Variants in DNAAF11 observed in about 807,000 individuals in gnomAD.
DNAAF11 encodes the protein leucine rich repeat containing 6.
A neutral mutation model predicts 60.8 loss-of-function variants in DNAAF11; 45 were observed. That is an observed-to-expected ratio of 0.74 (90% confidence interval 0.58 to 0.95). DNAAF11 has a LOEUF of 0.95. Among genes scored for constraint, DNAAF11 ranks in the 40% least tolerant of loss-of-function variants. DNAAF11 has a pLI of 0.00. For synonymous variants in DNAAF11, 191 were observed against 183.5 expected (o/e 1.04, Z -0.33); for missense variants, 546 against 546.2 (o/e 1.00, Z 0.00).
At chr8:132,693,078 G>A in the DNAAF11 span, among the ~76,000 whole-genome samples, 4 of 152,180 alleles carry the variant, frequency 2.6e-5, no homozygotes, top group Non-Finnish European at 4.4e-5. Context: ...GAGCCAGGTG[G>A]GGACGAAGAA....
chr8:132,693,971 A>C, the DNAAF11 span, among the ~76,000 whole-genome samples: 1,138 of 152,280 alleles, frequency 7.5e-3, 20 homozygotes, highest in African/African-American at 0.025. Context: ...AGATTTGAGC[A>C]AAGGAATGTT....
chr8:132,600,575 G>C (rs1817507120), intron 10 of DNAAF11, among the ~76,000 whole-genome samples: 1 of 152,116 alleles, frequency 6.6e-6, no homozygotes, highest in Non-Finnish European at 1.5e-5. Flanking sequence ...CCAAAACAGA[G>C]ATATAGACCA....
rs575945003 is a variant in DNAAF11, at chr8:132,619,192, G to A, written c.914+3419C>T. Among the ~76,000 whole-genome samples, 48 of 151,618 alleles carry A rather than the reference G, an allele frequency of 3.2e-4. No individual in the cohort carries two copies. In the South Asian group the frequency reaches 7.5e-3, roughly 24 times the overall value. On this transcript the variant is annotated intron_variant, in intron 7 of 11. Coordinates refer to ENST00000620350, the MANE Select transcript of DNAAF11 (RefSeq NM_012472.6). ...AAATCATCATTCTCAGTAAACTATC[G>A]CAAGAACAAAAAACCAAACACCACA...
chr8:132,653,404 C>T (rs932421191), intron 3 of DNAAF11, among the ~76,000 whole-genome samples: 1 of 151,746 alleles, frequency 6.6e-6, no homozygotes, highest in Non-Finnish European at 1.5e-5. Flanking sequence ...GTTTTTTAGG[C>T]TGAAATGAAA....
intron 10 of DNAAF11, among the ~76,000 whole-genome samples, chr8:132,599,649 T>C (rs1001557554): frequency 3.9e-5 from 6 of 152,176 alleles, no homozygotes; most frequent in Admixed American, 6.6e-5. Context: ...TAATCCAGCA[T>C]ATAAACAGAA....
chr8:132,653,839 C>T (rs1823265314), intron 3 of DNAAF11, among the ~76,000 whole-genome samples: 1 of 151,646 alleles, frequency 6.6e-6, no homozygotes. Flanking sequence ...AAGAGTAATC[C>T]AAAAACAGAA....
At chr8:132,700,611 C>G in the DNAAF11 span, among the ~76,000 whole-genome samples, 2 of 152,034 alleles carry the variant, frequency 1.3e-5, no homozygotes, top group Admixed American at 6.6e-5. Flanking sequence ...TTGCTTGAGC[C>G]CAAGGGTTCT....
Position 132,593,332 on chromosome 8 carries a change from C to CATACATATATATATATAT in DNAAF11, c.1141-9554_1141-9553insATATATATATATATGTAT, listed in dbSNP as rs577618316. Among the ~76,000 whole-genome samples, 299 of 108,650 alleles carry CATACATATATATATATAT rather than the reference C, an allele frequency of 2.8e-3. 1 individual carries two copies. Among genetic ancestry groups the CATACATATATATATATAT allele is most frequent in the Non-Finnish European group, 4.1e-3 (227 of 55,922 alleles). 71.3% of individuals were successfully genotyped at this position (108,650 alleles called of 152,430 possible). A position where few individuals can be genotyped will look rare whatever the true frequency, so the allele number is the denominator to read the frequency against. On this transcript the variant is annotated intron_variant, in intron 10 of 11. Coordinates refer to ENST00000620350, the MANE Select transcript of DNAAF11 (RefSeq NM_012472.6). ...ATAAACTTCAAAGAATATATACATACATATATATATATATATATATATATA... is the reference window on the plus strand; with the variant it reads ...ATAAACTTCAAAGAATATATACATACATACATATATATATATATATATATATATATATATATATATATA...
At chr8:132,610,144 T>C (rs1232941706) in intron 10 of DNAAF11, 22 bp downstream of exon 10, 4 of 1,581,664 alleles carry the variant, frequency 2.5e-6, no homozygotes, top group Admixed American at 3.3e-5. Context: ...GACTTGAAAT[T>C]GACCCAAATG....
intron 3 of DNAAF11, 22 bp downstream of exon 3, chr8:132,656,808 A>G (rs1013559522): frequency 3.9e-6 from 4 of 1,025,138 alleles, no homozygotes; most frequent in Non-Finnish European, 6.0e-6. Flanking sequence ...TCATAATAGC[A>G]TAATAGAAGA....
At chr8:132,623,296 TATTG>T (rs1441664065) in intron 6 of DNAAF11, among the ~76,000 whole-genome samples, 2 of 152,166 alleles carry the variant, frequency 1.3e-5, no homozygotes, top group Non-Finnish European at 2.9e-5. Context: ...GCTCATTACC[TATTG>T]ATTTAGAAAA....
At chr8:132,658,557 G>A (rs1003785185) in intron 2 of DNAAF11, among the ~76,000 whole-genome samples, 1 of 152,122 alleles carries the variant, frequency 6.6e-6, no homozygotes, top group African/African-American at 2.4e-5. Flanking sequence ...TCCTGACCTC[G>A]TGATCCAGCC....
intron 6 of DNAAF11, among the ~76,000 whole-genome samples, chr8:132,623,028 A>G (rs764627046): frequency 1.3e-5 from 2 of 152,210 alleles, no homozygotes; most frequent in Non-Finnish European, 2.9e-5. Flanking sequence ...ATTTACCCAG[A>G]TAACTGTCAA....
intron 1 of DNAAF11, among the ~76,000 whole-genome samples, chr8:132,674,184 G>A (rs1370142035): frequency 1.4e-5 from 2 of 146,648 alleles, no homozygotes; most frequent in Admixed American, 6.7e-5. Flanking sequence ...GGAGGAGAAG[G>A]AGGAGGAGGA....
chr8:132,649,116 T>A (rs1030956834), intron 3 of DNAAF11, among the ~76,000 whole-genome samples: 4 of 152,190 alleles, frequency 2.6e-5, no homozygotes, highest in Admixed American at 2.6e-4. Flanking sequence ...GACTTCAAAC[T>A]ATACTACAAG....
chr8:132,675,359 T>A, intron 1 of DNAAF11, 125 bp downstream of exon 1: 1 of 1,071,160 alleles, frequency 9.3e-7, no homozygotes, highest in Non-Finnish European at 1.3e-6. Flanking sequence ...CGGGTGGGGT[T>A]AGGGTCCGCC....
At position 132,572,478 on chromosome 8, in the gene DNAAF11, C is replaced by T. The variant is rs753438970; in HGVS notation, c.1229G>A (p.Ser410Asn). The change falls in exon 12 of 12, where the codon AGC becomes AAC. Residue 410 changes from serine (S) to asparagine (N), a missense_variant and splice_region_variant. Ser to Asn is a conservative substitution (Grantham distance 46). Coordinates refer to ENST00000620350, the MANE Select transcript of DNAAF11 (RefSeq NM_012472.6). The part of the protein sequence containing the change: ...DRSREQTNTR[S>N]KHMEKLEVDP... ...TACTTCTAGTTTCTCCATGTGCTTG[C>T]TTCTATAACAACAAAAAAAGACAAA... is the stretch of plus-strand genomic sequence containing the variant. 3.8e-6 allele frequency: 6 copies of T among 1,575,916 alleles called. No individual in the cohort carries two copies. In the African/African-American group the frequency reaches 4.1e-5, roughly 11 times the overall value.
chr8:132,661,667 TTG>T (rs1055693259), intron 1 of DNAAF11, 40 bp from the exon 2 acceptor site: 17 of 1,572,244 alleles, frequency 1.1e-5, no homozygotes, highest in Admixed American at 8.3e-5. Flanking sequence ...TCTGTCCCCA[TTG>T]TTCAATATAA....
At chr8:132,684,846 T>C in the DNAAF11 span, among the ~76,000 whole-genome samples, 2 of 152,188 alleles carry the variant, frequency 1.3e-5, no homozygotes, top group Admixed American at 6.5e-5. Context: ...TGATAAAACA[T>C]TGATGTCCTA....
Sources: gnomAD v4.1 joint callset for allele counts (sites outside exome capture counted in the v4.1 genomes callset) on GRCh38, gnomAD v4.1.1 for gene constraint, MANE v1.5 for transcripts, NCBI Gene and HGNC (gene_info 2026-07-23, HGNC 2026-07-21) for gene names.